Variants in SYN3 observed in about 807,000 individuals in gnomAD.
SYN3 encodes synapsin III, also known as synapsin-3.
A neutral mutation model predicts 65.8 loss-of-function variants in SYN3; 35 were observed. That is an observed-to-expected ratio of 0.53 (90% CI 0.41 to 0.70). The LOEUF (loss-of-function observed/expected upper bound fraction) is 0.70. SYN3 is among the 30% of genes least tolerant of loss of function. SYN3 has a pLI of 0.00. For synonymous variants in SYN3, 270 were observed against 292.9 expected (o/e 0.92, Z 0.80); for missense variants, 680 against 749.0 (o/e 0.91, Z 1.08).
intron 6 of SYN3, among the ~76,000 whole-genome samples, chr22:32,741,677 C>A (rs913321203): frequency 6.6e-6 from 1 of 152,000 alleles, no homozygotes; most frequent in Non-Finnish European, 1.5e-5. Flanking sequence ...TTCTTAAACA[C>A]GATACCATAC....
chr22:32,955,624 C>T (rs986770246), intron 3 of SYN3, among the ~76,000 whole-genome samples: 2 of 152,086 alleles, frequency 1.3e-5, no homozygotes, highest in Admixed American at 6.5e-5. Flanking sequence ...CAACCACCAC[C>T]GCTAACCATC....
At chr22:32,637,911 T>C (rs1007234899) in intron 6 of SYN3, among the ~76,000 whole-genome samples, 8 of 152,176 alleles carry the variant, frequency 5.3e-5, no homozygotes, top group Non-Finnish European at 1.0e-4. Flanking sequence ...AGTGCTAGGA[T>C]TACAGGCATG....
intron 4 of SYN3, among the ~76,000 whole-genome samples, chr22:32,873,587 C>T (rs557208399): frequency 6.2e-4 from 94 of 152,294 alleles, no homozygotes; most frequent in Non-Finnish European, 1.2e-3. Context: ...CCTCTCTGAT[C>T]AGAGAACCAC....
chr22:32,851,784 C>T (rs1224494864), intron 6 of SYN3, among the ~76,000 whole-genome samples: 1 of 152,108 alleles, frequency 6.6e-6, no homozygotes, highest in African/African-American at 2.4e-5. Context: ...CATCTCATGC[C>T]TTTCATTCAC....
At chr22:32,885,715 C>T (rs1054611057) in intron 4 of SYN3, among the ~76,000 whole-genome samples, 1 of 152,266 alleles carries the variant, frequency 6.6e-6, no homozygotes, top group African/African-American at 2.4e-5. Flanking sequence ...CGCCCACCAC[C>T]ATGCCCAGCT....
At chr22:32,705,876 G>T (rs1187209934) in intron 6 of SYN3, among the ~76,000 whole-genome samples, 1 of 152,228 alleles carries the variant, frequency 6.6e-6, no homozygotes, top group Non-Finnish European at 1.5e-5. Context: ...AGGTATATAA[G>T]AATGCTAGTG....
In SYN3 at chr22:32,512,963, G is replaced by A. The variant is rs977683826; in HGVS notation, c.*729C>T. 4 of 152,170 alleles carry A rather than the reference G, an allele frequency of 2.6e-5. No homozygotes were observed. Among genetic ancestry groups the A allele is most frequent in the Non-Finnish European group, 4.4e-5 (3 of 68,042 alleles). The allele number at this position is 152,170 out of a possible 1,614,324, so 9.4% of individuals were successfully genotyped here. A position where few individuals can be genotyped will look rare whatever the true frequency, so the allele number is the denominator to read the frequency against. Reference sequence around the variant, plus strand: ...CTAGTCTTTATTCCTACAATAACCTGTGATCTGCCCTTGGCTGTCCAAATA... The same window carrying A: ...CTAGTCTTTATTCCTACAATAACCTATGATCTGCCCTTGGCTGTCCAAATA... On this transcript the variant is annotated 3_prime_UTR_variant, in exon 14 of 14. Transcript: ENST00000358763.
chr22:32,627,833 T>C (rs886704142), intron 6 of SYN3, among the ~76,000 whole-genome samples: 4 of 146,322 alleles, frequency 2.7e-5, no homozygotes, highest in Non-Finnish European at 4.4e-5. Flanking sequence ...TGTTTTTGTT[T>C]TTGTTTTTGT....
chr22:32,885,446 A>G (rs1316767241), intron 4 of SYN3, among the ~76,000 whole-genome samples: 1 of 152,122 alleles, frequency 6.6e-6, no homozygotes, highest in Non-Finnish European at 1.5e-5. Context: ...CCATACCCTC[A>G]TGCCTATGAA....
intron 6 of SYN3, among the ~76,000 whole-genome samples, chr22:32,718,150 C>T (rs532424041): frequency 4.7e-4 from 72 of 152,178 alleles, no homozygotes; most frequent in Non-Finnish European, 7.8e-4. Context: ...TGGTGCTGTG[C>T]TACTCCCAGT....
intron 7 of SYN3, among the ~76,000 whole-genome samples, chr22:32,559,832 CAA>C (rs35916830): frequency 1.1e-4 from 11 of 96,018 alleles, no homozygotes; most frequent in Non-Finnish European, 1.1e-4. Flanking sequence ...TCCGTCTCAA[CAA>C]AAAAAAAAAA....
intron 6 of SYN3, among the ~76,000 whole-genome samples, chr22:32,734,967 A>T (rs372065441): frequency 6.6e-6 from 1 of 152,204 alleles, no homozygotes; most frequent in East Asian, 1.9e-4. Flanking sequence ...CTAAATCCAC[A>T]TACCTAGACT....
chr22:32,944,077 C>T (rs944318687), intron 3 of SYN3, among the ~76,000 whole-genome samples: 6 of 152,180 alleles, frequency 3.9e-5, no homozygotes, highest in African/African-American at 1.2e-4. Context: ...GAATTGAACT[C>T]AGCTCTGCAC....
chr22:32,757,328 G>A (rs5754252), intron 6 of SYN3, among the ~76,000 whole-genome samples: 64,633 of 133,796 alleles, frequency 0.48, 15,293 homozygotes, highest in East Asian at 0.58. Flanking sequence ...GTGGAGTTTT[G>A]CTCTTCTTGC....
intron 3 of SYN3, among the ~76,000 whole-genome samples, chr22:32,955,652 A>G (rs950234698): frequency 1.3e-5 from 2 of 152,074 alleles, no homozygotes; most frequent in Admixed American, 1.3e-4. Context: ...CTTTTTCATT[A>G]CCACTTGTGA....
chr22:32,664,252 A>G (rs1314878956), intron 6 of SYN3, among the ~76,000 whole-genome samples: 1 of 152,156 alleles, frequency 6.6e-6, no homozygotes, highest in Non-Finnish European at 1.5e-5. Context: ...TGACTTGGAG[A>G]TAAGATTTCC....
chr22:32,929,938 T>G (rs1222874808), intron 4 of SYN3, among the ~76,000 whole-genome samples: 1 of 152,184 alleles, frequency 6.6e-6, no homozygotes, highest in Non-Finnish European at 1.5e-5. Flanking sequence ...AATTCCTTAC[T>G]GTCACACCAA....
chr22:32,519,638 C>G (rs947193281), intron 12 of SYN3: 1 of 152,170 alleles, frequency 6.6e-6, no homozygotes, highest in Non-Finnish European at 1.5e-5. Context: ...GATGTTGTAG[C>G]CACCCAGAAA....
chr22:32,663,936 C>A (rs906771895), intron 6 of SYN3, among the ~76,000 whole-genome samples: 1 of 136,452 alleles, frequency 7.3e-6, no homozygotes, highest in Non-Finnish European at 1.5e-5. Context: ...AGCATTCCCC[C>A]CCCACACTGC....
Sources: allele counts gnomAD v4.1 joint callset (sites outside exome capture counted in the v4.1 genomes callset), GRCh38; gene constraint gnomAD v4.1.1; transcripts MANE v1.5; gene names NCBI Gene and HGNC (gene_info 2026-07-23, HGNC 2026-07-21).